The following RASAL2 variants were observed in gnomAD, a reference collection of about 807,000 sequenced individuals.
RASAL2 encodes the protein RAS protein activator like 2.
In RASAL2, 58 loss-of-function variants were observed where a neutral mutation model predicts 128.9. The ratio of observed to expected loss-of-function variants is 0.45; its 90% CI spans 0.36 to 0.56. The LOEUF (loss-of-function observed/expected upper bound fraction) is 0.56. Ranked by LOEUF, RASAL2 falls within the 20% of genes least tolerant of loss-of-function variation. The probability of loss-of-function intolerance (pLI) is 0.00; values close to 1 mark genes in which losing one functional copy is unlikely to be tolerated. For missense variants in RASAL2, 1,360 were observed against 1,601.6 expected (o/e 0.85, Z 2.57); for synonymous variants, 561 against 580.8 (o/e 0.97, Z 0.49).
chr1:178,234,171 T>C (rs1025559854), intron 1 of RASAL2, among the ~76,000 whole-genome samples: 2 of 152,230 alleles, frequency 1.3e-5, no homozygotes, highest in African/African-American at 4.8e-5. Context: ...TTAATGCTCA[T>C]TTGTCTCCAC....
intron 1 of RASAL2, among the ~76,000 whole-genome samples, chr1:178,227,367 G>T (rs1168091431): frequency 2.0e-5 from 3 of 152,162 alleles, no homozygotes; most frequent in Non-Finnish European, 4.4e-5. Context: ...GTTTTGCTTA[G>T]TGCAGGGAAT....
chr1:178,404,404 C>A (rs1673853389), intron 4 of RASAL2, among the ~76,000 whole-genome samples: 1 of 151,964 alleles, frequency 6.6e-6, no homozygotes, highest in Non-Finnish European at 1.5e-5. Context: ...TTTTTTGAGA[C>A]AGAGTCTCGC....
At chr1:178,420,992 A>C (rs910350366) in intron 5 of RASAL2, among the ~76,000 whole-genome samples, 1 of 151,242 alleles carries the variant, frequency 6.6e-6, no homozygotes, top group Non-Finnish European at 1.5e-5. Context: ...TGCTTCATAC[A>C]TGTTATCTTG....
chr1:178,192,690 T>C (rs1662531963), intron 1 of RASAL2, among the ~76,000 whole-genome samples: 1 of 152,204 alleles, frequency 6.6e-6, no homozygotes, highest in African/African-American at 2.4e-5. Flanking sequence ...AAGAAGATGG[T>C]AAGCAATTTA....
intron 2 of RASAL2, among the ~76,000 whole-genome samples, chr1:178,294,273 CAG>C (rs1667398829): frequency 1.3e-5 from 2 of 152,168 alleles, no homozygotes; most frequent in Admixed American, 1.3e-4. Flanking sequence ...CAGGTTGAAG[CAG>C]AGATACTTCC....
chr1:178,404,131 CAGG>C, intron 4 of RASAL2, among the ~76,000 whole-genome samples: 1 of 149,102 alleles, frequency 6.7e-6, no homozygotes, highest in Admixed American at 6.8e-5. Flanking sequence ...GAGGCTGAGG[CAGG>C]AGAATTGCTT....
chr1:178,411,764 C>G (rs1267053187), intron 4 of RASAL2: 1 of 791,790 alleles, frequency 1.3e-6, no homozygotes, highest in Non-Finnish European at 2.3e-6. Flanking sequence ...CGAGATGAAT[C>G]CTCGCCATGT....
intron 1 of RASAL2, among the ~76,000 whole-genome samples, chr1:178,174,827 T>G (rs1324477739): frequency 6.6e-6 from 1 of 152,186 alleles, no homozygotes. Context: ...AATTCAGCTC[T>G]TTCCTGAGCT....
chr1:178,343,478 T>C (rs1669986757), intron 3 of RASAL2, among the ~76,000 whole-genome samples: 1 of 152,228 alleles, frequency 6.6e-6, no homozygotes, highest in Admixed American at 6.5e-5. Context: ...GCTTTTATCC[T>C]GCTTTTAATA....
At chr1:178,136,756 C>CAAAAAAAAAAAA (rs397982072) in intron 1 of RASAL2, among the ~76,000 whole-genome samples, 10 of 47,204 alleles carry the variant, frequency 2.1e-4, no homozygotes, top group South Asian at 1.4e-3. Flanking sequence ...GACTCTGTCT[C>CAAAAAAAAAAAA]AAAAAAAAAA....
At chr1:178,351,233 A>C (rs1358431512) in intron 3 of RASAL2, among the ~76,000 whole-genome samples, 1 of 152,234 alleles carries the variant, frequency 6.6e-6, no homozygotes, top group Non-Finnish European at 1.5e-5. Flanking sequence ...GCAGGGATAC[A>C]GATCCAAACC....
At chr1:178,258,821 G>A (rs1029170100) in intron 1 of RASAL2, among the ~76,000 whole-genome samples, 11 of 152,092 alleles carry the variant, frequency 7.2e-5, no homozygotes, top group African/African-American at 1.9e-4. Flanking sequence ...GTTTATAGCC[G>A]CATTATTCAT....
At position 178,458,185 on chromosome 1, in the gene RASAL2, A is replaced by G. The variant is rs761253386; in HGVS notation, c.2893A>G (p.Ser965Gly). The change falls in exon 14 of 18, where the codon AGT becomes GGT. Residue 965 changes from serine to glycine, a missense_variant. Coordinates refer to ENST00000367649, the MANE Select transcript of RASAL2 (RefSeq NM_170692.4). ...AAGTAACAGTGAAGACTTCAAGCTC[A>G]GTGGACCCAGCAATAGCAGCATGGA... ...SQSNSEDFKL[S>G]GPSNSSMEDF... The G allele has an allele frequency of 4.3e-6, 7 of 1,614,140 alleles. No individual in the cohort carries two copies. Among genetic ancestry groups the G allele is most frequent in the Non-Finnish European group, 5.1e-6 (6 of 1,180,054 alleles).
chr1:178,375,803 G>A lies in RASAL2; in HGVS notation c.458-14297G>A, dbSNP rs1671956986. Among the ~76,000 whole-genome samples, 3 of 152,096 alleles carry A rather than the reference G, an allele frequency of 2.0e-5. No individual in the cohort carries two copies. The South Asian group carries it at 6.2e-4, about 31-fold the overall frequency. On this transcript the variant is annotated intron_variant, in intron 3 of 17. Coordinates refer to ENST00000367649, the MANE Select transcript of RASAL2 (RefSeq NM_170692.4). ...CTATTAACAGAAATAAATTGAGAAA[G>A]GGAGCCAATTTTTTAGGAAGATGGG... is the stretch of plus-strand genomic sequence containing the variant.
At chr1:178,439,702 T>C in intron 6 of RASAL2, 127 bp downstream of exon 6, 1 of 818,610 alleles carries the variant, frequency 1.2e-6, no homozygotes, top group Non-Finnish European at 1.8e-6. Flanking sequence ...TGCTAGAAAT[T>C]ATCTACTTAC....
At chr1:178,330,203 G>GT (rs755096186) in intron 3 of RASAL2, among the ~76,000 whole-genome samples, 3 of 152,132 alleles carry the variant, frequency 2.0e-5, no homozygotes, top group Non-Finnish European at 2.9e-5. Flanking sequence ...TCTCAAAATT[G>GT]TTTGATTCGA....
chr1:178,343,968 T>C (rs1670015522), intron 3 of RASAL2, among the ~76,000 whole-genome samples: 1 of 152,146 alleles, frequency 6.6e-6, no homozygotes, highest in Non-Finnish European at 1.5e-5. Context: ...ACCCATCACC[T>C]GAAAAGGAGA....
At chr1:178,131,095 CAT>C (rs142688086) in intron 1 of RASAL2, among the ~76,000 whole-genome samples, 11,484 of 150,724 alleles carry the variant, frequency 0.076, 557 homozygotes, top group Non-Finnish European at 0.11. Context: ...CAAAAAAAAA[CAT>C]GTGTTATTGT....
At chr1:178,324,616 T>C (rs1017165920) in intron 3 of RASAL2, among the ~76,000 whole-genome samples, 1 of 152,130 alleles carries the variant, frequency 6.6e-6, no homozygotes, top group South Asian at 2.1e-4. Context: ...TTGAAATATA[T>C]TTGGAGACTT....
Sources: allele counts gnomAD v4.1 joint callset (sites outside exome capture counted in the v4.1 genomes callset), GRCh38; gene constraint gnomAD v4.1.1; transcripts MANE v1.5; gene names NCBI Gene and HGNC (gene_info 2026-07-23, HGNC 2026-07-21).